The following PREP variants were observed in gnomAD, a reference collection of about 807,000 sequenced individuals.
The protein encoded by PREP is dJ355L5.1 (prolyl endopeptidase).
A neutral mutation model predicts 87.6 loss-of-function variants in PREP; 29 were observed. The ratio of observed to expected loss-of-function variants is 0.33; its 90% confidence interval spans 0.25 to 0.45. The LOEUF is 0.45. PREP is among the 20% of genes least tolerant of loss of function. The pLI is 1.00. For missense variants in PREP, 695 were observed against 886.5 expected, an observed-to-expected ratio of 0.78 and a Z score of 2.74; for synonymous variants, 337 against 328.6, an observed-to-expected ratio of 1.03 and a Z score of -0.28.
At position 105,368,975 on chromosome 6, in the gene PREP, C is replaced by T; in HGVS notation, c.645G>A (p.Leu215=). 1 of 1,613,964 alleles carries T rather than the reference C, an allele frequency of 6.2e-7. No homozygotes were observed. Among genetic ancestry groups the T allele is most frequent in the Non-Finnish European group, 8.5e-7 (1 of 1,179,920 alleles). ...AAATATCTTCTGACTGATCGGTTCC[C>T]AAGACATGGTAGTAGAGCTTTTGGT... ...NLHQKLYYHV[L]GTDQSEDILC... Residue 215 remains leucine, a synonymous_variant, in exon 6 of 15, where the codon TTG becomes TTA. Transcript: ENST00000652536.
chr6:105,274,927 C>T lies in PREP; in HGVS notation c.*3217G>A, dbSNP rs965117803. 2.0e-5 allele frequency among the ~76,000 whole-genome samples: 3 copies of T among 152,232 alleles called. No individual in the cohort carries two copies. The highest frequency in any genetic ancestry group is 1.3e-4 in the Admixed American group (2 of 15,284). On this transcript the variant is annotated 3_prime_UTR_variant, in exon 15 of 15. Coordinates refer to ENST00000652536, the MANE Select transcript of PREP (RefSeq NM_002726.5). Reference sequence around the variant, plus strand: ...AACATTCATCCACACAGAGTGCTTGCAGCGGGTGGCACAGGGTAAACATGA... The same window carrying T: ...AACATTCATCCACACAGAGTGCTTGTAGCGGGTGGCACAGGGTAAACATGA...
At chr6:105,395,625 T>C (rs919483765) in intron 2 of PREP, among the ~76,000 whole-genome samples, 4 of 152,238 alleles carry the variant, frequency 2.6e-5, no homozygotes, top group Non-Finnish European at 5.9e-5. Flanking sequence ...GATCATTAAT[T>C]AGCAGTTTCA....
intron 5 of PREP, among the ~76,000 whole-genome samples, chr6:105,373,033 A>T (rs929613225): frequency 6.6e-6 from 1 of 152,206 alleles, no homozygotes; most frequent in African/African-American, 2.4e-5. Context: ...CTAGTCTGCT[A>T]GTCGTCCCAG....
chr6:105,314,113 A>AT (rs1357731207), intron 10 of PREP, among the ~76,000 whole-genome samples: 4 of 152,222 alleles, frequency 2.6e-5, no homozygotes, highest in Non-Finnish European at 5.9e-5. Context: ...CAATAGCATT[A>AT]TGTCTTAAAA....
At chr6:105,292,397 C>G (rs1770314561) in intron 10 of PREP, among the ~76,000 whole-genome samples, 1 of 152,162 alleles carries the variant, frequency 6.6e-6, no homozygotes, top group Non-Finnish European at 1.5e-5. Context: ...CATCAGAGTT[C>G]TTGGGTGACT....
In PREP at chr6:105,391,060, C is replaced by CACACACACACT. The variant is rs1554212310; in HGVS notation, c.120+6792_120+6793insAGTGTGTGTGT. Among the ~76,000 whole-genome samples, 14 of 140,192 alleles carry CACACACACACT rather than the reference C, an allele frequency of 1.0e-4. No homozygotes were observed. The East Asian group carries it at 2.4e-3, about 24-fold the overall frequency. 92.0% of individuals were successfully genotyped at this position (140,192 alleles called of 152,430 possible). ...ACACACACACACACACACACACACA[C>CACACACACACT]TTTTTTTTTTTTTTAATTAAGAGAC... On this transcript the variant is annotated intron_variant, in intron 2 of 14. Coordinates refer to ENST00000652536, the MANE Select transcript of PREP (RefSeq NM_002726.5).
At chr6:105,303,172 C>A (rs1241243737) in intron 10 of PREP, among the ~76,000 whole-genome samples, 2 of 151,912 alleles carry the variant, frequency 1.3e-5, no homozygotes, top group Non-Finnish European at 2.9e-5. Context: ...AATCCTCATC[C>A]TCCTGGCTCA....
intron 10 of PREP, among the ~76,000 whole-genome samples, chr6:105,315,187 A>G (rs1341230597): frequency 6.6e-6 from 1 of 152,132 alleles, no homozygotes; most frequent in African/African-American, 2.4e-5. Context: ...TTGAAGAGAC[A>G]AAGTCTTGCT....
chr6:105,363,294 C>T (rs1028767606), intron 6 of PREP, among the ~76,000 whole-genome samples: 2 of 152,174 alleles, frequency 1.3e-5, no homozygotes, highest in South Asian at 2.1e-4. Flanking sequence ...CATTCTAGAG[C>T]ACCCTCTGCT....
chr6:105,398,159 G>T (rs1773334789), intron 1 of PREP, among the ~76,000 whole-genome samples: 1 of 152,154 alleles, frequency 6.6e-6, no homozygotes, highest in African/African-American at 2.4e-5. Flanking sequence ...AAGATGAAAG[G>T]TCAGAACAGG....
intron 2 of PREP, among the ~76,000 whole-genome samples, chr6:105,387,613 A>AAAAAAAAG (rs199557509): frequency 8.1e-6 from 1 of 123,198 alleles, no homozygotes; most frequent in Non-Finnish European, 1.7e-5. Flanking sequence ...GAGCTAAAAA[A>AAAAAAAAG]AAAAAAAGAA....
At chr6:105,296,205 A>C (rs1296282764) in intron 10 of PREP, among the ~76,000 whole-genome samples, 1 of 151,924 alleles carries the variant, frequency 6.6e-6, no homozygotes, top group Non-Finnish European at 1.5e-5. Context: ...TCCTTACTGT[A>C]TTTTTTTTAT....
intron 1 of PREP, among the ~76,000 whole-genome samples, chr6:105,401,523 A>C (rs948285297): frequency 6.6e-6 from 1 of 152,258 alleles, no homozygotes. Flanking sequence ...TAACTAGTGA[A>C]TGACAGAACC....
intron 10 of PREP, among the ~76,000 whole-genome samples, chr6:105,314,545 C>A (rs998805123): frequency 2.6e-5 from 4 of 152,216 alleles, no homozygotes; most frequent in African/African-American, 9.6e-5. Flanking sequence ...AAACCAATTT[C>A]TTTGCTCATT....
rs531198200 is a variant in PREP, at chr6:105,288,852, T to C, written c.1360A>G (p.Ile454Val). The change falls in exon 11 of 15, where the codon ATT becomes GTT. Residue 454 changes from isoleucine to valine, a missense_variant. Around this residue, in one of 5 missense-constraint regions of PREP, gnomAD observed 517 missense variants for 620.3 expected, o/e 0.83. Coordinates refer to ENST00000652536, the MANE Select transcript of PREP (RefSeq NM_002726.5). Reference protein sequence around the residue: ...SKDGTKIPMFIVHKKGIKLDG... With the variant: ...SKDGTKIPMFVVHKKGIKLDG... ...AATTTTATGCCTTTTTTATGCACAATGAACATTGGAATCTTCGTACCATCC... is the reference window on the plus strand; with the variant it reads ...AATTTTATGCCTTTTTTATGCACAACGAACATTGGAATCTTCGTACCATCC... 7 of 1,613,638 alleles carry C rather than the reference T, an allele frequency of 4.3e-6. No homozygotes were observed. The Admixed American group carries it at 5.0e-5, about 12-fold the overall frequency.
In PREP at chr6:105,323,665, C is replaced by T; in HGVS notation, c.1317G>A (p.Gln439=). ...GIDASDYQTV[Q]IFYPSKDGTK... is the part of the protein sequence containing the mutation. ...ATTAATGAGATCATATTCTCCATAC[C>T]TGGACTGTCTGGTAATCAGAAGCAT... Residue 439 remains glutamine (Q), a splice_region_variant and synonymous_variant, in exon 10 of 15, where the codon CAG becomes CAA. Coordinates refer to ENST00000652536, the MANE Select transcript of PREP (RefSeq NM_002726.5). The T allele has an allele frequency of 1.2e-6, 2 of 1,604,300 alleles. No individual in the cohort carries two copies. The highest frequency in any genetic ancestry group is 1.7e-6 in the Non-Finnish European group (2 of 1,171,044).
chr6:105,282,912 C>G (rs777460807), intron 12 of PREP, among the ~76,000 whole-genome samples: 16 of 152,200 alleles, frequency 1.1e-4, no homozygotes, highest in Non-Finnish European at 2.1e-4. Flanking sequence ...CACAAGGAAC[C>G]TGTATTTTGG....
intron 6 of PREP, among the ~76,000 whole-genome samples, chr6:105,358,184 TAAAA>T: frequency 6.6e-6 from 1 of 152,030 alleles, no homozygotes; most frequent in Non-Finnish European, 1.5e-5. Flanking sequence ...TTTATGTAAA[TAAAA>T]CATTAACAAA....
In PREP at chr6:105,278,967, C is replaced by T. The variant is rs868130039; in HGVS notation, c.1839-529G>A. 6.6e-6 allele frequency: 1 copy of T among 152,122 alleles called. No homozygotes were observed. The highest frequency in any genetic ancestry group is 2.1e-4 in the South Asian group (1 of 4,818). The allele number at this position is 152,122 out of a possible 1,614,324, so 9.4% of individuals were successfully genotyped here. A position where few individuals can be genotyped will look rare whatever the true frequency, so the allele number is the denominator to read the frequency against. On this transcript the variant is annotated intron_variant, in intron 14 of 14. Transcript: ENST00000652536. This position sits in a 1 kb window ranked among gnomAD's most constrained non-coding sequence, Gnocchi z 4.2. ...CTCTGGGCCTAGTTTCTTTGTAAAC[C>T]GAGAAACCTGGATGGGCTGTTGAGC...
Sources: allele counts gnomAD v4.1 joint callset (sites outside exome capture counted in the v4.1 genomes callset), GRCh38; gene constraint gnomAD v4.1.1; regional missense constraint gnomAD v4.1.1; non-coding constraint Gnocchi (gnomAD v3.1); transcripts MANE v1.5; gene names NCBI Gene and HGNC (gene_info 2026-07-23, HGNC 2026-07-21).